Variants in KCNH5 observed in about 807,000 individuals in gnomAD.
KCNH5 encodes the protein potassium voltage-gated channel subfamily H member 5.
KCNH5 carries 46 observed loss-of-function variants against 96.1 expected under a neutral mutation model. The observed-to-expected ratio is 0.48, with a 90% confidence interval of 0.38 to 0.61. The LOEUF (loss-of-function observed/expected upper bound fraction) is 0.61. Ranked by LOEUF, KCNH5 falls within the 20% of genes least tolerant of loss-of-function variation. The pLI is 0.00. For missense variants in KCNH5, 907 were observed against 1,225.8 expected, an observed-to-expected ratio of 0.74 and a Z score of 3.88; for synonymous variants, 439 against 449.8, an observed-to-expected ratio of 0.98 and a Z score of 0.30.
intron 9 of KCNH5, among the ~76,000 whole-genome samples, chr14:62,800,137 T>G (rs972448407): frequency 1.3e-5 from 2 of 151,960 alleles, no homozygotes; most frequent in African/African-American, 4.8e-5. Flanking sequence ...AATGAACTAG[T>G]CTTTTTCAGA....
intron 7 of KCNH5, among the ~76,000 whole-genome samples, chr14:62,880,354 A>G (rs553214341): frequency 6.6e-6 from 1 of 152,372 alleles, no homozygotes; most frequent in South Asian, 2.1e-4. Flanking sequence ...GAATTCTCAA[A>G]CTTAAAGGAA....
intron 4 of KCNH5, among the ~76,000 whole-genome samples, chr14:62,988,403 T>A (rs1890749279): frequency 6.6e-6 from 1 of 151,996 alleles, no homozygotes; most frequent in Non-Finnish European, 1.5e-5. Flanking sequence ...AGGAAGAAAT[T>A]CTGGAAATAC....
intron 3 of KCNH5, among the ~76,000 whole-genome samples, chr14:63,001,804 C>T (rs1891016207): frequency 1.3e-5 from 2 of 152,208 alleles, no homozygotes; most frequent in Admixed American, 1.3e-4. Context: ...GCTGCTCTCA[C>T]CAACTTTCTT....
At chr14:62,915,882 A>T (rs182318565) in intron 7 of KCNH5, among the ~76,000 whole-genome samples, 48 of 152,264 alleles carry the variant, frequency 3.2e-4, no homozygotes, top group Admixed American at 1.7e-3. Context: ...TGTTTTAGAA[A>T]TGAGTGACTT....
intron 6 of KCNH5, among the ~76,000 whole-genome samples, chr14:62,979,274 C>A (rs1368318324): frequency 6.6e-6 from 1 of 151,828 alleles, no homozygotes; most frequent in Non-Finnish European, 1.5e-5. Flanking sequence ...CTTTAACTCA[C>A]TTCAGAAGAT....
At chr14:62,752,952 T>C (rs1243323914) in intron 10 of KCNH5, among the ~76,000 whole-genome samples, 1 of 152,210 alleles carries the variant, frequency 6.6e-6, no homozygotes, top group Admixed American at 6.5e-5. Context: ...ATAGTATCTT[T>C]ATAGCAGTGT....
rs1884487592 is a variant in KCNH5 at position 62,708,339 on chromosome 14, C to T, written c.2136G>A (p.Lys712=). 4.3e-6 allele frequency: 7 copies of T among 1,614,038 alleles called. No individual in the cohort carries two copies. In the East Asian group the frequency reaches 1.6e-4, roughly 36 times the overall value. The part of the protein sequence containing the change: ...VDHPVRKLFQ[K]FKQQKELRNQ... ...TCCGCAGCTCCTTCTGCTGCTTGAA[C>T]TTCTGGAAGAGCTTTCTGACTGGGT... The change falls in exon 11 of 11, where the codon AAG becomes AAA. Residue 712 remains lysine, a synonymous_variant. Coordinates refer to ENST00000322893, the MANE Select transcript of KCNH5 (RefSeq NM_139318.5).
intron 7 of KCNH5, among the ~76,000 whole-genome samples, chr14:62,869,183 T>C (rs1888198944): frequency 6.6e-6 from 1 of 152,256 alleles, no homozygotes; most frequent in South Asian, 2.1e-4. Context: ...TTTCTCCACA[T>C]CCCCTCCAGC....
At chr14:62,753,776 G>A (rs1358283600) in intron 10 of KCNH5, among the ~76,000 whole-genome samples, 1 of 152,098 alleles carries the variant, frequency 6.6e-6, no homozygotes. Flanking sequence ...GAAAGATAAA[G>A]ACTTTCCTAG....
At chr14:62,876,919 T>C (rs1364377991) in intron 7 of KCNH5, among the ~76,000 whole-genome samples, 1 of 152,210 alleles carries the variant, frequency 6.6e-6, no homozygotes, top group East Asian at 1.9e-4. Flanking sequence ...TGTAAAAATT[T>C]TGAAAATAGA....
chr14:62,867,833 T>C (rs565877940), intron 7 of KCNH5, among the ~76,000 whole-genome samples: 1 of 152,276 alleles, frequency 6.6e-6, no homozygotes, highest in African/African-American at 2.4e-5. Flanking sequence ...TCCTGACACA[T>C]AGAACATGCT....
chr14:62,766,994 AT>A (rs1018042718), intron 10 of KCNH5, among the ~76,000 whole-genome samples: 2 of 149,562 alleles, frequency 1.3e-5, no homozygotes, highest in Non-Finnish European at 2.9e-5. Context: ...ACATAAAAAT[AT>A]TTTTTAAATG....
intron 8 of KCNH5, among the ~76,000 whole-genome samples, chr14:62,831,121 T>C (rs1163867904): frequency 1.3e-5 from 2 of 152,200 alleles, no homozygotes; most frequent in African/African-American, 2.4e-5. Context: ...GACAGGATTC[T>C]TTTTTCTGCT....
chr14:62,826,640 T>C (rs749064701), intron 8 of KCNH5, among the ~76,000 whole-genome samples: 1 of 152,016 alleles, frequency 6.6e-6, no homozygotes, highest in African/African-American at 2.4e-5. Flanking sequence ...TGTATTTCTT[T>C]TGATATTTAA....
intron 1 of KCNH5, 94 bp from the exon 2 acceptor site, chr14:63,017,048 C>A: frequency 8.4e-7 from 1 of 1,183,630 alleles, no homozygotes; most frequent in Non-Finnish European, 1.2e-6. Flanking sequence ...TAAAGATGGA[C>A]ACATACAACT....
chr14:62,944,462 C>T (rs1331829683), intron 7 of KCNH5, among the ~76,000 whole-genome samples: 3 of 152,014 alleles, frequency 2.0e-5, no homozygotes, highest in African/African-American at 7.2e-5. Context: ...CTGTTTTCTA[C>T]CTGCCTCTTC....
chr14:62,878,208 G>A (rs187887752), intron 7 of KCNH5, among the ~76,000 whole-genome samples: 1 of 121,332 alleles, frequency 8.2e-6, no homozygotes, highest in African/African-American at 2.9e-5. Context: ...GGATGGGGGG[G>A]GGGGCGGAGG....
chr14:62,965,413 C>A (rs1469183179), intron 6 of KCNH5, among the ~76,000 whole-genome samples: 1 of 152,054 alleles, frequency 6.6e-6, no homozygotes, highest in Non-Finnish European at 1.5e-5. Context: ...TTTCTAGAGC[C>A]AGGACACTGT....
chr14:63,043,689 CAAATT>C (rs1891868693), intron 1 of KCNH5, among the ~76,000 whole-genome samples: 2 of 152,078 alleles, frequency 1.3e-5, no homozygotes, highest in Admixed American at 6.5e-5. Context: ...TTTAAAACCT[CAAATT>C]AAAAACAAAT....
Sources: gnomAD v4.1 joint callset for allele counts (sites outside exome capture counted in the v4.1 genomes callset) on GRCh38, gnomAD v4.1.1 for gene constraint, MANE v1.5 for transcripts, NCBI Gene and HGNC (gene_info 2026-07-23, HGNC 2026-07-21) for gene names.